KSR2: variants seen among roughly 807,000 people sequenced by gnomAD.
KSR2 encodes the protein kinase suppressor of ras 2.
Under a neutral mutation model 107.8 loss-of-function variants are expected in KSR2, and 25 were observed. The observed-to-expected ratio is 0.23, with a 90% CI of 0.17 to 0.32. KSR2 has a LOEUF of 0.32. Among genes scored for constraint, KSR2 ranks in the 10% least tolerant of loss-of-function variants. The probability of loss-of-function intolerance (pLI) is 1.00; values close to 1 mark genes in which losing one functional copy is unlikely to be tolerated. For synonymous variants in KSR2, 480 were observed against 507.0 expected, an observed-to-expected ratio of 0.95 and a Z score of 0.71; for missense variants, 887 against 1,268.9, an observed-to-expected ratio of 0.70 and a Z score of 4.57.
chr12:117,597,525 C>T (rs1048788754), intron 5 of KSR2, among the ~76,000 whole-genome samples: 2 of 152,118 alleles, frequency 1.3e-5, no homozygotes, highest in African/African-American at 4.8e-5. Context: ...AAGGAAGAAG[C>T]GCTGCCTCTG....
chr12:117,708,692 A>T (rs529267574), intron 4 of KSR2, among the ~76,000 whole-genome samples: 3 of 152,252 alleles, frequency 2.0e-5, no homozygotes, highest in East Asian at 3.9e-4. Flanking sequence ...GGAGCCGCCC[A>T]CATCTAATAC....
At position 117,471,114 on chromosome 12, in the gene KSR2, A is replaced by G. The variant is rs535061511; in HGVS notation, c.2712+77T>C. 5.6e-5 allele frequency: 87 copies of G among 1,555,652 alleles called. No homozygotes were observed. In the East Asian group the frequency reaches 2.0e-3, roughly 35 times the overall value. ...ATGGGAAAGCATTTGTAACCTTAACACATAGTAAAAAGAAGGCCCATGACT... is the reference window on the plus strand; with the variant it reads ...ATGGGAAAGCATTTGTAACCTTAACGCATAGTAAAAAGAAGGCCCATGACT... On this transcript the variant is annotated intron_variant, in intron 18 of 19. Coordinates refer to ENST00000339824, the MANE Select transcript of KSR2 (RefSeq NM_173598.6).
intron 4 of KSR2, chr12:117,674,362 G>A (rs1256499055): frequency 6.3e-6 from 3 of 473,446 alleles, no homozygotes; most frequent in Non-Finnish European, 1.3e-5. Flanking sequence ...TTATACTAAA[G>A]TGAAATTCAC....
At chr12:117,812,546 T>G (rs372916501) in intron 3 of KSR2, among the ~76,000 whole-genome samples, 2 of 152,108 alleles carry the variant, frequency 1.3e-5, no homozygotes, top group Admixed American at 1.3e-4. Flanking sequence ...GAATTTCAGA[T>G]AGTAAATGGT....
At chr12:117,520,136 C>A (rs1052906959) in intron 14 of KSR2, among the ~76,000 whole-genome samples, 7 of 152,172 alleles carry the variant, frequency 4.6e-5, no homozygotes, top group African/African-American at 1.2e-4. Context: ...AAAGAAGGAA[C>A]CTACCAGACT....
chr12:117,470,550 A>G lies in KSR2; in HGVS notation c.2712+641T>C, dbSNP rs574165048. ...GTTTCTTGACATTTCTCTCAAGAGA[A>G]GGGATAAAAGGGAATCCTGGGGTCT... On this transcript the variant is annotated intron_variant, in intron 18 of 19. Transcript: ENST00000339824. Among the ~76,000 whole-genome samples the G allele has an allele frequency of 1.9e-3, 292 of 152,366 alleles. 1 individual carries two copies. The highest frequency in any genetic ancestry group is 3.6e-3 in the Non-Finnish European group (242 of 68,038).
intron 14 of KSR2, among the ~76,000 whole-genome samples, chr12:117,490,831 C>T (rs1872707549): frequency 6.6e-6 from 1 of 152,092 alleles, no homozygotes; most frequent in Non-Finnish European, 1.5e-5. Flanking sequence ...AAAAATTGTA[C>T]ATATTTATTG....
At chr12:117,772,128 T>C (rs1224762796) in intron 3 of KSR2, among the ~76,000 whole-genome samples, 67 of 84,888 alleles carry the variant, frequency 7.9e-4, no homozygotes, top group Middle Eastern at 0.022. Flanking sequence ...AAGATGCACA[T>C]ACACTCATAC....
At chr12:117,521,274 T>C (rs16947666) in intron 14 of KSR2, among the ~76,000 whole-genome samples, 6,778 of 152,208 alleles carry the variant, frequency 0.045, 504 homozygotes, top group African/African-American at 0.15. Context: ...ACACAGCTCA[T>C]TATCAGACAA....
intron 1 of KSR2, among the ~76,000 whole-genome samples, chr12:117,874,936 C>T (rs1466900900): frequency 2.6e-5 from 4 of 151,258 alleles, no homozygotes; most frequent in Admixed American, 2.0e-4. Flanking sequence ...AGAATGAGGT[C>T]CCCTGGGCCT....
chr12:117,650,765 T>C (rs1462087197), intron 5 of KSR2, among the ~76,000 whole-genome samples: 1 of 152,198 alleles, frequency 6.6e-6, no homozygotes, highest in Non-Finnish European at 1.5e-5. Context: ...CTAAGTTCAG[T>C]AGACAAAGTG....
intron 5 of KSR2, among the ~76,000 whole-genome samples, chr12:117,590,747 T>C (rs1565915579): frequency 2.6e-5 from 4 of 152,172 alleles, no homozygotes; most frequent in Admixed American, 2.6e-4. Flanking sequence ...TGACACACTG[T>C]CTATGACAAC....
At chr12:117,899,661 G>GT (rs974807224) in intron 1 of KSR2, among the ~76,000 whole-genome samples, 6 of 152,284 alleles carry the variant, frequency 3.9e-5, no homozygotes, top group Middle Eastern at 6.8e-3. Flanking sequence ...TATTGTCCTT[G>GT]TATGACCCCA....
chr12:117,812,453 G>T (rs1891220931), intron 3 of KSR2, among the ~76,000 whole-genome samples: 1 of 152,114 alleles, frequency 6.6e-6, no homozygotes, highest in African/African-American at 2.4e-5. Flanking sequence ...TTAGAGAGTT[G>T]ATCTAGACAG....
At chr12:117,640,895 C>T (rs919716253) in intron 5 of KSR2, among the ~76,000 whole-genome samples, 1 of 152,118 alleles carries the variant, frequency 6.6e-6, no homozygotes, top group African/African-American at 2.4e-5. Flanking sequence ...CCAAAAGCAC[C>T]CAGTTTACTC....
At chr12:117,838,672 A>C (rs1279760568) in intron 3 of KSR2, among the ~76,000 whole-genome samples, 1 of 151,778 alleles carries the variant, frequency 6.6e-6, no homozygotes, top group Non-Finnish European at 1.5e-5. Flanking sequence ...ATATTCATTC[A>C]CCCCCACTAC....
intron 4 of KSR2, among the ~76,000 whole-genome samples, chr12:117,705,580 A>G (rs1157310451): frequency 2.6e-5 from 4 of 152,202 alleles, no homozygotes; most frequent in Admixed American, 1.3e-4. Context: ...TTGGCTTGAC[A>G]TCGAACAGCT....
chr12:117,510,880 A>G (rs1462304089), intron 14 of KSR2, among the ~76,000 whole-genome samples: 1 of 60,328 alleles, frequency 1.7e-5, no homozygotes, highest in Non-Finnish European at 4.1e-5. Flanking sequence ...CCTGTCTCAA[A>G]AAAAAAAAAA....
intron 3 of KSR2, among the ~76,000 whole-genome samples, chr12:117,820,525 C>T (rs1173928314): frequency 2.0e-5 from 3 of 152,120 alleles, no homozygotes; most frequent in South Asian, 2.1e-4. Context: ...TAAATCAGAT[C>T]GTTGTCTTGC....
Sources: allele counts gnomAD v4.1 joint callset (sites outside exome capture counted in the v4.1 genomes callset), GRCh38; gene constraint gnomAD v4.1.1; transcripts MANE v1.5; gene names NCBI Gene and HGNC (gene_info 2026-07-23, HGNC 2026-07-21).